The following ADGRE2 variants were observed in gnomAD, a reference collection of about 807,000 sequenced individuals.
The protein encoded by ADGRE2 is CD97 antigen.
In ADGRE2, 83 loss-of-function variants were observed where a neutral mutation model predicts 100.8. The observed-to-expected ratio is 0.82, with a 90% CI of 0.69 to 0.99. The LOEUF (loss-of-function observed/expected upper bound fraction) is 0.99. ADGRE2 is among the 50% of genes least tolerant of loss of function. The probability of loss-of-function intolerance (pLI) is 0.00; values close to 1 mark genes in which losing one functional copy is unlikely to be tolerated. For synonymous variants in ADGRE2, 355 were observed against 413.0 expected, an observed-to-expected ratio of 0.86 and a Z score of 1.70; for missense variants, 814 against 1,035.7, an observed-to-expected ratio of 0.79 and a Z score of 2.94.
chr19:14,751,710 A>G, intron 15 of ADGRE2, 39 bp from the exon 16 acceptor site: 1 of 1,493,564 alleles, frequency 6.7e-7, no homozygotes, highest in Middle Eastern at 1.7e-4. Flanking sequence ...CGGCGATCAG[A>G]TTTGAGTGTG....
intron 16 of ADGRE2, among the ~76,000 whole-genome samples, chr19:14,747,280 TGCTTGAGACCAAGA>T (rs1363421427): frequency 1.3e-4 from 20 of 151,854 alleles, no homozygotes; most frequent in African/African-American, 4.3e-4. Context: ...GTGGGAGGAT[TGCTTGAGACCAAGA>T]GCTTGAGACC....
At chr19:14,738,183 T>C (rs1232669071) in intron 20 of ADGRE2, among the ~76,000 whole-genome samples, 1 of 152,138 alleles carries the variant, frequency 6.6e-6, no homozygotes, top group African/African-American at 2.4e-5. Context: ...ACTATGTACG[T>C]CTATTATGGA....
chr19:14,736,833 T>A (rs34574681), intron 20 of ADGRE2, among the ~76,000 whole-genome samples: 22,596 of 139,670 alleles, frequency 0.16, 1,894 homozygotes, highest in Middle Eastern at 0.2. Flanking sequence ...TATAGATATT[T>A]AATATCTATA....
chr19:14,775,993 A>G (rs1032368910), intron 2 of ADGRE2, among the ~76,000 whole-genome samples: 1 of 151,882 alleles, frequency 6.6e-6, no homozygotes, highest in Non-Finnish European at 1.5e-5. Context: ...CCTGAAACCC[A>G]GTGGTGATAT....
intron 11 of ADGRE2, among the ~76,000 whole-genome samples, chr19:14,761,497 G>A (rs1250734894): frequency 6.6e-6 from 1 of 152,100 alleles, no homozygotes; most frequent in Non-Finnish European, 1.5e-5. Context: ...TAGGCAGAGA[G>A]TGTGGGTAAG....
At position 14,765,769 on chromosome 19, in the gene ADGRE2, C is replaced by T; in HGVS notation, c.670G>A (p.Asp224Asn). The T allele has an allele frequency of 1.2e-6, 2 of 1,613,338 alleles. No individual in the cohort carries two copies. The highest frequency in any genetic ancestry group is 1.1e-5 in the South Asian group (1 of 91,076). The stretch of plus-strand genomic sequence containing the variant: ...GTGTTGAAGCAGACGGTGGAGCTGT[C>T]ACACTGATGCTGCCCGGAGCTGCAC... ...DECSSGQHQC[D>N]SSTVCFNTVG... Residue 224 changes from aspartate (D) to asparagine (N), a missense_variant, in exon 8 of 21, where the codon GAC becomes AAC. Asp to Asn is a conservative substitution (Grantham distance 23, BLOSUM62 1). Transcript: ENST00000315576.
rs1048277890 is a variant in ADGRE2, at chr19:14,740,634, A to G, written c.2463+2786T>C. Among the ~76,000 whole-genome samples, 54 of 151,972 alleles carry G rather than the reference A, an allele frequency of 3.6e-4. 1 individual carries two copies. Among genetic ancestry groups the G allele is most frequent in the Non-Finnish European group, 1.3e-4 (9 of 67,992 alleles). On this transcript the variant is annotated intron_variant, in intron 20 of 20. Transcript: ENST00000315576. Reference sequence around the variant, plus strand: ...GAAACTCCGTCTCAAAAAAAAAAAAAAAAGAAAAATAAAAAAGGAAAAAGG... The same window carrying G: ...GAAACTCCGTCTCAAAAAAAAAAAAGAAAGAAAAATAAAAAAGGAAAAAGG...
chr19:14,726,071 G>A, the ADGRE2 span, among the ~76,000 whole-genome samples: 1 of 152,172 alleles, frequency 6.6e-6, no homozygotes, highest in East Asian at 1.9e-4. Flanking sequence ...AAGCCACTAA[G>A]CCTCCTTCAT....
Position 14,762,256 on chromosome 19 carries a change from TA to T in ADGRE2, c.1084+2176del, listed in dbSNP as rs761146918. 5.3e-3 allele frequency among the ~76,000 whole-genome samples: 693 copies of T among 130,282 alleles called. 11 individuals carry two copies. Among genetic ancestry groups the T allele is most frequent in the East Asian group, 0.042 (195 of 4,694 alleles). 85.5% of individuals were successfully genotyped at this position (130,282 alleles called of 152,430 possible). The stretch of plus-strand genomic sequence containing the variant: ...AAATGTCCATCAATGGATGGATGGA[TA>T]AAAAAAAAAAAAGTGATGTATTCAT... On this transcript the variant is annotated intron_variant, in intron 11 of 20. Transcript: ENST00000315576.
At chr19:14,776,616 C>T (rs961350748) in intron 2 of ADGRE2, 110 bp downstream of exon 2, 17 of 1,284,486 alleles carry the variant, frequency 1.3e-5, no homozygotes, top group African/African-American at 3.0e-5. Context: ...TGGCTTTCTC[C>T]ATCGCCGGCC....
rs1270782463 is a variant in ADGRE2, at chr19:14,752,406, G to C, written c.1711C>G (p.Leu571Val). The change falls in exon 15 of 21, where the codon CTG becomes GTG. Residue 571 changes from leucine to valine, a missense_variant. By Grantham distance (32) the Leu-to-Val change is conservative (BLOSUM62 1). This residue lies in a region of ADGRE2 where 569 missense variants were observed against 692.7 expected (regional missense o/e 0.82). Coordinates refer to ENST00000315576, the MANE Select transcript of ADGRE2 (RefSeq NM_013447.4). ...AGGCAGAGCGAGAGCTGCAGATGCAGTGAGGTGCTGGTGTTCTGGATGGCT... is the reference window on the plus strand; with the variant it reads ...AGGCAGAGCGAGAGCTGCAGATGCACTGAGGTGCTGGTGTTCTGGATGGCT... ...CKAIQNTSTSLHLQLSLCLFL... is the reference protein window; with the variant it reads ...CKAIQNTSTSVHLQLSLCLFL... 6.2e-7 allele frequency: 1 copy of C among 1,614,194 alleles called. No individual in the cohort carries two copies. The highest frequency in any genetic ancestry group is 1.1e-5 in the South Asian group (1 of 91,076).
rs200392624 is a variant in ADGRE2, at chr19:14,774,045, C to G, written c.92G>C (p.Arg31Pro). 1.2e-6 allele frequency: 2 copies of G among 1,613,748 alleles called. No homozygotes were observed. Among genetic ancestry groups the G allele is most frequent in the East Asian group, 2.2e-5 (1 of 44,864 alleles). The change falls in exon 4 of 21, where the codon CGG becomes CCG. Residue 31 changes from arginine to proline, a missense_variant. Coordinates refer to ENST00000315576, the MANE Select transcript of ADGRE2 (RefSeq NM_013447.4). The part of the protein sequence containing the change: ...AETQDSRGCA[R>P]WCPQDSSCVN... ...ACACGAGGAGTCCTGAGGGCACCAC[C>G]GGGCACAGCCTGCAAGAGCAGGGAG...
At chr19:14,751,966 T>A (rs2043310286) in intron 15 of ADGRE2, among the ~76,000 whole-genome samples, 4 of 148,972 alleles carry the variant, frequency 2.7e-5, no homozygotes, top group Admixed American at 2.0e-4. Context: ...GGAATTTCAC[T>A]CTTGTTGCCC....
chr19:14,729,901 A>G (rs1201197612), downstream of ADGRE2, among the ~76,000 whole-genome samples: 2 of 152,156 alleles, frequency 1.3e-5, no homozygotes, highest in Non-Finnish European at 2.9e-5. Context: ...TATCTGTCCA[A>G]AGAAAAATGC....
intron 5 of ADGRE2, among the ~76,000 whole-genome samples, chr19:14,769,903 T>C (rs769757005): frequency 1.3e-5 from 2 of 152,238 alleles, no homozygotes; most frequent in South Asian, 2.1e-4. Context: ...TTTCACCATG[T>C]TAGCCAGGAT....
intron 1 of ADGRE2, 29 bp from the exon 2 acceptor site, chr19:14,776,956 A>C: frequency 2.9e-6 from 4 of 1,378,556 alleles, no homozygotes; most frequent in African/African-American, 3.1e-5. Flanking sequence ...GCACAATAAA[A>C]ACACAGAACC....
intron 18 of ADGRE2, among the ~76,000 whole-genome samples, chr19:14,745,550 C>T (rs2043061452): frequency 6.6e-6 from 1 of 152,184 alleles, no homozygotes; most frequent in African/African-American, 2.4e-5. Context: ...CTCTCTTCAT[C>T]GCCTTGCCCA....
chr19:14,728,305 T>G (rs556243644), downstream of ADGRE2, among the ~76,000 whole-genome samples: 1 of 152,230 alleles, frequency 6.6e-6, no homozygotes, highest in Non-Finnish European at 1.5e-5. Flanking sequence ...ATTTTTTCTA[T>G]CTACAGGCTG....
intron 20 of ADGRE2, among the ~76,000 whole-genome samples, chr19:14,738,517 A>G (rs1486028364): frequency 6.6e-6 from 1 of 151,944 alleles, no homozygotes; most frequent in Non-Finnish European, 1.5e-5. Flanking sequence ...AGCTGGGACT[A>G]CAGGCATGCA....
Sources: gnomAD v4.1 joint callset for allele counts (sites outside exome capture counted in the v4.1 genomes callset) on GRCh38, gnomAD v4.1.1 for gene constraint, gnomAD v4.1.1 regional missense constraint, MANE v1.5 for transcripts, NCBI Gene and HGNC (gene_info 2026-07-23, HGNC 2026-07-21) for gene names.